Variants in MYO7B observed in about 807,000 individuals in gnomAD.
The protein encoded by MYO7B is myosin VIIB, also known as unconventional myosin-VIIb.
In MYO7B, 212 loss-of-function variants were observed where a neutral mutation model predicts 259.7. The ratio of observed to expected loss-of-function variants is 0.82; its 90% confidence interval spans 0.73 to 0.91. The LOEUF (loss-of-function observed/expected upper bound fraction) is 0.91. Ranked by LOEUF, MYO7B falls within the 40% of genes least tolerant of loss-of-function variation. The pLI is 0.00. For missense variants in MYO7B, 2,732 were observed against 2,813.5 expected (o/e 0.97, Z 0.66); for synonymous variants, 1,197 against 1,166.4 (o/e 1.03, Z -0.54).
chr2:127,576,566 C>A lies in MYO7B; in HGVS notation c.736-29C>A, dbSNP rs751584083. ...GGCCTCAGGGGAATGGCTCATGAATCTGTCTGGAATGCCCTCCCTCCCTCC... is the reference window on the plus strand; with the variant it reads ...GGCCTCAGGGGAATGGCTCATGAATATGTCTGGAATGCCCTCCCTCCCTCC... On this transcript the variant is annotated intron_variant, in intron 7 of 47. Coordinates refer to ENST00000409816, the MANE Select transcript of MYO7B (RefSeq NM_001393586.1). This position sits in a 1 kb window ranked among gnomAD's most constrained non-coding sequence, Gnocchi z 4.9. The A allele has an allele frequency of 2.1e-6, 3 of 1,435,398 alleles. No individual in the cohort carries two copies. The highest frequency in any genetic ancestry group is 2.9e-6 in the Non-Finnish European group (3 of 1,035,148). 88.9% of individuals were successfully genotyped at this position (1,435,398 alleles called of 1,614,324 possible).
intron 1 of MYO7B, among the ~76,000 whole-genome samples, chr2:127,536,809 C>A (rs1692798646): frequency 6.6e-6 from 1 of 152,184 alleles, no homozygotes; most frequent in Admixed American, 6.5e-5. Flanking sequence ...TTGTTAGGAA[C>A]CACTCAGCTC....
Position 127,584,632 on chromosome 2 carries a change from C to A in MYO7B, c.1555-146C>A. 1.0e-6 allele frequency: 1 copy of A among 994,202 alleles called. No homozygotes were observed. Among genetic ancestry groups the A allele is most frequent in the South Asian group, 1.7e-5 (1 of 60,426 alleles). 61.6% of individuals were successfully genotyped at this position (994,202 alleles called of 1,614,324 possible). A position where few individuals can be genotyped will look rare whatever the true frequency, so the allele number is the denominator to read the frequency against. On this transcript the variant is annotated intron_variant, in intron 13 of 47. Coordinates refer to ENST00000409816, the MANE Select transcript of MYO7B (RefSeq NM_001393586.1). The surrounding 1 kb of genome is among the most constrained non-coding windows in gnomAD (Gnocchi z 5.8). ...TCACTCCCTGCAACAAGTCACTGAC[C>A]CCTGGGCATTAGTTTCCTGTCTGTA...
At position 127,628,499 on chromosome 2, in the gene MYO7B, A is replaced by G; in HGVS notation, c.4588A>G (p.Ile1530Val). ...CCTGGAGGGCCTGAAGGAGAGGTCC[A>G]TTTTCGCCATGGCCCTGCAGGACAG... is the stretch of plus-strand genomic sequence containing the variant. The part of the protein sequence containing the change: ...LFLEGLKERS[I>V]FAMALQDRKA... Residue 1530 changes from isoleucine to valine, a missense_variant, in exon 34 of 48, where the codon ATT (isoleucine) becomes GTT (valine). Transcript: ENST00000409816. This position sits in a 1 kb window ranked among gnomAD's most constrained non-coding sequence, Gnocchi z 4.8. The G allele has an allele frequency of 7.2e-7, 1 of 1,396,998 alleles. No homozygotes were observed. The highest frequency in any genetic ancestry group is 9.4e-7 in the Non-Finnish European group (1 of 1,059,130). The allele number at this position is 1,396,998 out of a possible 1,614,324, so 86.5% of individuals were successfully genotyped here.
intron 19 of MYO7B, among the ~76,000 whole-genome samples, chr2:127,599,836 C>A (rs1257344815): frequency 6.6e-6 from 1 of 152,160 alleles, no homozygotes; most frequent in Admixed American, 6.5e-5. Flanking sequence ...AAATATTGAA[C>A]CAGCTTTGCA....
chr2:127,554,637 A>C (rs1693571964), intron 1 of MYO7B, among the ~76,000 whole-genome samples: 1 of 152,116 alleles, frequency 6.6e-6, no homozygotes, highest in African/African-American at 2.4e-5. Flanking sequence ...TATGTTGTGG[A>C]ATAGTATCAA....
Position 127,581,940 on chromosome 2 carries a change from TC to T in MYO7B, c.1132del (p.Arg378GlufsTer9), listed in dbSNP as rs749121999. ...TGTCTGATCAAGCACACCATCCTCA[TC>T]CGAGGGGAATTTGTCACCAGGTCCC... ...RDCLIKHTIL[I>X]RGEFVTRSLN... On this transcript the variant is annotated frameshift_variant, in exon 11 of 48. Coordinates refer to ENST00000409816, the MANE Select transcript of MYO7B (RefSeq NM_001393586.1). LOFTEE classifies it high-confidence loss of function. 6.2e-7 allele frequency: 1 copy of T among 1,613,746 alleles called. No homozygotes were observed. The highest frequency in any genetic ancestry group is 1.3e-5 in the African/African-American group (1 of 74,920).
At chr2:127,635,414 G>A in intron 43 of MYO7B, 188 bp downstream of exon 43, 1 of 639,048 alleles carries the variant, frequency 1.6e-6, no homozygotes, top group East Asian at 2.7e-5. Flanking sequence ...TTTGGGGACA[G>A]TGACTGCACT....
intron 42 of MYO7B, 50 bp from the exon 43 acceptor site, chr2:127,635,070 T>C: frequency 2.0e-6 from 3 of 1,483,866 alleles, no homozygotes; most frequent in South Asian, 2.3e-5. Flanking sequence ...GGGTCAGGGC[T>C]GGTGTACCTG....
intron 2 of MYO7B, among the ~76,000 whole-genome samples, chr2:127,560,016 TTTTCTTTTCTTTTC>T (rs1370255484): frequency 7.6e-6 from 1 of 132,356 alleles, no homozygotes; most frequent in African/African-American, 2.9e-5. Context: ...ATTTCTTTTC[TTTTCTTTTCTTTTC>T]TTTTTTTTTT....
chr2:127,612,732 T>C (rs1339910341), intron 26 of MYO7B, 129 bp downstream of exon 26: 1 of 1,387,508 alleles, frequency 7.2e-7, no homozygotes, highest in East Asian at 2.5e-5. Flanking sequence ...AGGCTGGGTC[T>C]CAGGACAGCA....
At chr2:127,569,948 C>A (rs1258126522) in intron 6 of MYO7B, 38 bp downstream of exon 6, 1 of 1,586,208 alleles carries the variant, frequency 6.3e-7, no homozygotes, top group African/African-American at 1.3e-5. Context: ...CTCCCCCAGC[C>A]CCCCTGGAGC....
intron 9 of MYO7B, 122 bp from the exon 10 acceptor site, chr2:127,580,624 T>C (rs966339865): frequency 7.5e-6 from 7 of 935,744 alleles, no homozygotes; most frequent in Middle Eastern, 2.3e-4. Flanking sequence ...AGACCGTGGC[T>C]TACGCCAGGG....
Position 127,584,813 on chromosome 2 carries a change from C to T in MYO7B, c.1590C>T (p.Ser530=), listed in dbSNP as rs369918081. 1.3e-4 allele frequency: 206 copies of T among 1,613,938 alleles called. No individual in the cohort carries two copies. Among genetic ancestry groups the T allele is most frequent in the Middle Eastern group, 9.9e-4 (6 of 6,062 alleles). ...TCACCATGCTGCAAAAGCTGAACAG[C>T]GTCCATGCCAACAACAAGGCCTTCC... The part of the protein sequence containing the change: ...TDLTMLQKLN[S]VHANNKAFLQ... The change falls in exon 14 of 48, where the codon AGC becomes AGT. Residue 530 remains serine (S), a synonymous_variant. Transcript: ENST00000409816. This position sits in a 1 kb window ranked among gnomAD's most constrained non-coding sequence, Gnocchi z 5.8.
intron 29 of MYO7B, among the ~76,000 whole-genome samples, chr2:127,623,846 G>A (rs1680968710): frequency 6.6e-6 from 1 of 152,148 alleles, no homozygotes; most frequent in Non-Finnish European, 1.5e-5. Context: ...GAGTCACATC[G>A]GCCAGACTCA....
intron 9 of MYO7B, among the ~76,000 whole-genome samples, chr2:127,580,385 C>T (rs1679052273): frequency 6.6e-6 from 1 of 152,226 alleles, no homozygotes; most frequent in African/African-American, 2.4e-5. Context: ...CCACACCCAG[C>T]AGCATGGACT....
chr2:127,540,409 C>A (rs188904545), intron 1 of MYO7B, among the ~76,000 whole-genome samples: 2 of 152,312 alleles, frequency 1.3e-5, no homozygotes, highest in East Asian at 1.9e-4. Context: ...GGTGATCCAC[C>A]CGCCTCGGCC....
chr2:127,624,579 C>T (rs1046846127), intron 30 of MYO7B, among the ~76,000 whole-genome samples: 2 of 152,250 alleles, frequency 1.3e-5, no homozygotes, highest in African/African-American at 4.8e-5. Context: ...CTCTCCTGCT[C>T]TGTTTATGGG....
In MYO7B at chr2:127,581,074, C is replaced by T. The variant is rs552032381; in HGVS notation, c.1080+252C>T. On this transcript the variant is annotated intron_variant, in intron 10 of 47. Coordinates refer to ENST00000409816, the MANE Select transcript of MYO7B (RefSeq NM_001393586.1). ...TTTCCTCCCTTTCCCTCCATTTCCT[C>T]CTGCTTGTCAGTGGCCCTGTTTCAG... Among the ~76,000 whole-genome samples, 3 of 152,310 alleles carry T rather than the reference C, an allele frequency of 2.0e-5. No individual in the cohort carries two copies. In the South Asian group the frequency reaches 6.2e-4, roughly 32 times the overall value.
Position 127,615,048 on chromosome 2 carries a change from C to G in MYO7B, c.3398+2445C>G, listed in dbSNP as rs1447526229. On this transcript the variant is annotated intron_variant, in intron 26 of 47. Transcript: ENST00000409816. The surrounding 1 kb of genome is among the most constrained non-coding windows in gnomAD (Gnocchi z 4.4). ...GGACAGAGATGAAGAAGACATGGCT[C>G]TGTCCTGGAGGAGCTCACCCTTTAG... 1.3e-5 allele frequency among the ~76,000 whole-genome samples: 2 copies of G among 152,206 alleles called. No homozygotes were observed. Among genetic ancestry groups the G allele is most frequent in the East Asian group, 1.9e-4 (1 of 5,178 alleles).
Sources: allele counts gnomAD v4.1 joint callset (sites outside exome capture counted in the v4.1 genomes callset), GRCh38; gene constraint gnomAD v4.1.1; non-coding constraint Gnocchi (gnomAD v3.1); transcripts MANE v1.5; gene names NCBI Gene and HGNC (gene_info 2026-07-23, HGNC 2026-07-21).